The following TBC1D5 variants were observed in gnomAD, a reference collection of about 807,000 sequenced individuals.
TBC1D5 encodes TBC1 domain family member 5.
Under a neutral mutation model 100.3 loss-of-function variants are expected in TBC1D5, and 75 were observed. The ratio of observed to expected loss-of-function variants is 0.75; its 90% CI spans 0.62 to 0.91. The LOEUF (loss-of-function observed/expected upper bound fraction) is 0.91. Ranked by LOEUF, TBC1D5 falls within the 40% of genes least tolerant of loss-of-function variation. The probability of loss-of-function intolerance (pLI) is 0.00; values close to 1 mark genes in which losing one functional copy is unlikely to be tolerated. For missense variants in TBC1D5, 910 were observed against 942.4 expected, an observed-to-expected ratio of 0.97 and a Z score of 0.45; for synonymous variants, 323 against 325.6, an observed-to-expected ratio of 0.99 and a Z score of 0.09.
chr3:17,404,618 G>A (rs887997879), intron 7 of TBC1D5, 76 bp downstream of exon 7: 1 of 1,298,900 alleles, frequency 7.7e-7, no homozygotes, highest in African/African-American at 1.5e-5. Flanking sequence ...TTGCTTTCAT[G>A]GTGACTGGCA....
At chr3:17,401,949 C>T (rs2093661568) in intron 8 of TBC1D5, among the ~76,000 whole-genome samples, 1 of 152,036 alleles carries the variant, frequency 6.6e-6, no homozygotes, top group Admixed American at 6.6e-5. Flanking sequence ...CTACTTTCTG[C>T]ACCTATATAC....
chr3:17,315,773 A>T (rs2084621719), intron 13 of TBC1D5, among the ~76,000 whole-genome samples: 1 of 152,142 alleles, frequency 6.6e-6, no homozygotes, highest in Non-Finnish European at 1.5e-5. Context: ...ATAGCAAGAG[A>T]GTTCAGCTAC....
At chr3:17,244,579 T>C (rs1172823459) in intron 16 of TBC1D5, among the ~76,000 whole-genome samples, 2 of 152,172 alleles carry the variant, frequency 1.3e-5, no homozygotes, top group Non-Finnish European at 2.9e-5. Context: ...AATTGTTCTA[T>C]CTATACTTTT....
At chr3:17,563,432 A>T (rs545295750) in intron 2 of TBC1D5, among the ~76,000 whole-genome samples, 1 of 152,348 alleles carries the variant, frequency 6.6e-6, no homozygotes, top group South Asian at 2.1e-4. Context: ...TGAGGAATAC[A>T]ACACAATGAA....
At chr3:17,532,392 T>G (rs557501091) in intron 2 of TBC1D5, among the ~76,000 whole-genome samples, 53 of 152,334 alleles carry the variant, frequency 3.5e-4, no homozygotes, top group African/African-American at 4.8e-4. Context: ...TTGGTGGGAC[T>G]GTAAACTAGT....
chr3:17,167,132 C>A (rs1010748531), intron 20 of TBC1D5, among the ~76,000 whole-genome samples: 1 of 152,096 alleles, frequency 6.6e-6, no homozygotes, highest in Non-Finnish European at 1.5e-5. Flanking sequence ...GCAAGAAAAA[C>A]GTCAGGACAT....
chr3:17,624,292 T>C (rs2153657176), intron 1 of TBC1D5, among the ~76,000 whole-genome samples: 1 of 152,352 alleles, frequency 6.6e-6, no homozygotes, highest in East Asian at 1.9e-4. Context: ...CAAAGATACT[T>C]ATTTCTTTGC....
intron 15 of TBC1D5, among the ~76,000 whole-genome samples, chr3:17,288,289 C>T (rs1317240553): frequency 2.0e-5 from 3 of 152,172 alleles, no homozygotes; most frequent in Non-Finnish European, 4.4e-5. Context: ...ACTTTTGCAG[C>T]ACTGGGTTGG....
At chr3:17,165,044 T>C (rs536843602) in intron 21 of TBC1D5, among the ~76,000 whole-genome samples, 4 of 152,280 alleles carry the variant, frequency 2.6e-5, no homozygotes, top group African/African-American at 9.6e-5. Flanking sequence ...AAGGGCTGAC[T>C]GTGTCTCAGA....
At chr3:17,446,161 T>A (rs1316906908) in intron 3 of TBC1D5, among the ~76,000 whole-genome samples, 1 of 111,498 alleles carries the variant, frequency 9.0e-6, no homozygotes, top group African/African-American at 4.5e-5. Context: ...TTTAGGTTAT[T>A]TCTCCCAACC....
At chr3:17,411,433 C>A (rs1446300) in intron 4 of TBC1D5, among the ~76,000 whole-genome samples, 115,556 of 152,038 alleles carry the variant, frequency 0.76, 44,971 homozygotes, top group African/African-American at 0.94. Flanking sequence ...AAAAACCATA[C>A]ATATATTTAA....
chr3:17,231,733 A>C (rs978706724), intron 17 of TBC1D5, among the ~76,000 whole-genome samples: 2 of 152,172 alleles, frequency 1.3e-5, no homozygotes, highest in Non-Finnish European at 2.9e-5. Context: ...GGAAGACAAA[A>C]AGTGACTTCC....
At chr3:17,586,596 T>C (rs2096734589) in intron 2 of TBC1D5, 1 of 152,168 alleles carries the variant, frequency 6.6e-6, no homozygotes, top group Non-Finnish European at 1.5e-5. Flanking sequence ...CAAATGCTCC[T>C]ATCCCAGGAG....
intron 1 of TBC1D5, among the ~76,000 whole-genome samples, chr3:17,697,045 A>C (rs2072226828): frequency 6.6e-6 from 1 of 152,228 alleles, no homozygotes; most frequent in South Asian, 2.1e-4. Context: ...CCTTCGACAA[A>C]ATTCAACAGT....
At chr3:17,655,113 T>C (rs1383675370) in intron 1 of TBC1D5, among the ~76,000 whole-genome samples, 1 of 152,012 alleles carries the variant, frequency 6.6e-6, no homozygotes, top group Non-Finnish European at 1.5e-5. Flanking sequence ...AAAAACCAGC[T>C]CCTGGATTCA....
In TBC1D5 at chr3:17,390,281, C is replaced by T. The variant is rs2093313585; in HGVS notation, c.510-6266G>A. On this transcript the variant is annotated intron_variant, in intron 8 of 21. Transcript: ENST00000253692. Reference sequence around the variant, plus strand: ...GCCTGATAGTTGGAAAGACATTCAACAGGACAATGGTCTGTCATAATACAG... The same window carrying T: ...GCCTGATAGTTGGAAAGACATTCAATAGGACAATGGTCTGTCATAATACAG... Among the ~76,000 whole-genome samples, 9 of 152,164 alleles carry T rather than the reference C, an allele frequency of 5.9e-5. No homozygotes were observed. The South Asian group carries it at 1.9e-3, about 32-fold the overall frequency.
At chr3:17,430,748 C>T (rs947786358) in intron 3 of TBC1D5, among the ~76,000 whole-genome samples, 7 of 151,882 alleles carry the variant, frequency 4.6e-5, no homozygotes, top group East Asian at 1.9e-4. Flanking sequence ...TTAGTATGGA[C>T]GATCCCAGAC....
chr3:17,600,214 T>C (rs927605251), intron 2 of TBC1D5, among the ~76,000 whole-genome samples: 16 of 36,390 alleles, frequency 4.4e-4, no homozygotes, highest in Non-Finnish European at 8.4e-4. Flanking sequence ...ATTCATATAA[T>C]ATGTTATGTT....
At chr3:17,544,137 G>A (rs923911994) in intron 2 of TBC1D5, among the ~76,000 whole-genome samples, 3 of 152,164 alleles carry the variant, frequency 2.0e-5, no homozygotes, top group East Asian at 3.9e-4. Flanking sequence ...CAAAGTGTTC[G>A]GATTACAGAT....
Sources: gnomAD v4.1 joint callset for allele counts (sites outside exome capture counted in the v4.1 genomes callset) on GRCh38, gnomAD v4.1.1 for gene constraint, MANE v1.5 for transcripts, NCBI Gene and HGNC (gene_info 2026-07-23, HGNC 2026-07-21) for gene names.